GABRG3: variants seen among roughly 807,000 people sequenced by gnomAD.
GABRG3 encodes the protein gamma-aminobutyric acid receptor subunit gamma-3.
Under a neutral mutation model 48.8 loss-of-function variants are expected in GABRG3, and 25 were observed. The ratio of observed to expected loss-of-function variants is 0.51; its 90% confidence interval spans 0.37 to 0.72. GABRG3 has a LOEUF of 0.72. Among genes scored for constraint, GABRG3 ranks in the 30% least tolerant of loss-of-function variants. The probability of loss-of-function intolerance (pLI) is 0.00; values close to 1 mark genes in which losing one functional copy is unlikely to be tolerated. For synonymous variants in GABRG3, 227 were observed against 217.6 expected, an observed-to-expected ratio of 1.04 and a Z score of -0.38; for missense variants, 394 against 577.9, an observed-to-expected ratio of 0.68 and a Z score of 3.26.
rs538538716 is a variant in GABRG3 at position 27,052,131 on chromosome 15, G to A, written c.270+25310G>A. ...TTGGACTGATACCCGGCCACAGATC[G>A]GGCGTTGGGGCCCCCTGATCTAAGA... On this transcript the variant is annotated intron_variant, in intron 3 of 9. Coordinates refer to ENST00000615808, the MANE Select transcript of GABRG3 (RefSeq NM_033223.5). Among the ~76,000 whole-genome samples, 15 of 152,270 alleles carry A rather than the reference G, an allele frequency of 9.9e-5. No homozygotes were observed. In the East Asian group the frequency reaches 2.9e-3, roughly 29 times the overall value.
intron 3 of GABRG3, among the ~76,000 whole-genome samples, chr15:27,135,448 A>T (rs1458436809): frequency 2.6e-5 from 4 of 152,238 alleles, no homozygotes. Flanking sequence ...TTTGTTTAGC[A>T]GATCTTTCAA....
intron 2 of GABRG3, among the ~76,000 whole-genome samples, chr15:27,021,426 T>A (rs754771915): frequency 6.6e-6 from 1 of 152,164 alleles, no homozygotes; most frequent in Non-Finnish European, 1.5e-5. Flanking sequence ...AAGGTGCCCA[T>A]GACCTAAAAG....
In GABRG3 at chr15:27,327,025, T is replaced by C; in HGVS notation, c.487T>C (p.Leu163=). Reference sequence around the variant, plus strand: ...GAATGACGGGAAAATCCTTTACACTTTGAGGTAAGATGCTGCATCGATCTT... The same window carrying C: ...GAATGACGGGAAAATCCTTTACACTCTGAGGTAAGATGCTGCATCGATCTT... ...IWNDGKILYT[L]RLTINAECQL... The change falls in exon 4 of 10, where the codon TTG becomes CTG. Residue 163 remains leucine, a synonymous_variant. Transcript: ENST00000615808. 1 of 1,612,564 alleles carries C rather than the reference T, an allele frequency of 6.2e-7. No homozygotes were observed. Among genetic ancestry groups the C allele is most frequent in the South Asian group, 1.1e-5 (1 of 90,958 alleles).
chr15:27,178,581 A>G (rs1251546515), intron 3 of GABRG3, among the ~76,000 whole-genome samples: 1 of 152,224 alleles, frequency 6.6e-6, no homozygotes, highest in Non-Finnish European at 1.5e-5. Flanking sequence ...ACATTTATTT[A>G]ACATGTATAT....
intron 5 of GABRG3, among the ~76,000 whole-genome samples, chr15:27,390,220 G>A (rs1311773241): frequency 1.3e-5 from 2 of 152,112 alleles, no homozygotes; most frequent in Admixed American, 6.5e-5. Flanking sequence ...CGTATATTAC[G>A]CCACTGAAAA....
At chr15:27,514,226 G>C (rs902375590) in intron 6 of GABRG3, among the ~76,000 whole-genome samples, 1 of 152,180 alleles carries the variant, frequency 6.6e-6, no homozygotes, top group Non-Finnish European at 1.5e-5. Context: ...TTCCATTTCA[G>C]TTTAACAAAT....
intron 3 of GABRG3, among the ~76,000 whole-genome samples, chr15:27,239,151 T>G (rs2140452663): frequency 6.6e-6 from 1 of 152,354 alleles, no homozygotes; most frequent in East Asian, 1.9e-4. Flanking sequence ...TAATCACTTT[T>G]GGATACGAAG....
chr15:27,365,909 T>C (rs888894755), intron 5 of GABRG3: 1 of 152,166 alleles, frequency 6.6e-6, no homozygotes, highest in Non-Finnish European at 1.5e-5. Flanking sequence ...ATAAGTTAAA[T>C]AGTTCATTTT....
intron 3 of GABRG3, among the ~76,000 whole-genome samples, chr15:27,209,528 A>G (rs1451205840): frequency 6.6e-6 from 1 of 152,174 alleles, no homozygotes; most frequent in Non-Finnish European, 1.5e-5. Context: ...CTCTGAGGCC[A>G]GAAACCTGGG....
At position 27,405,854 on chromosome 15, in the gene GABRG3, G is replaced by GT. The variant is rs200559567; in HGVS notation, c.575-74796_575-74795insT. Among the ~76,000 whole-genome samples the GT allele has an allele frequency of 3.0e-4, 46 of 151,922 alleles. No individual in the cohort carries two copies. The East Asian group carries it at 8.7e-3, about 29-fold the overall frequency. On this transcript the variant is annotated intron_variant, in intron 5 of 9. Coordinates refer to ENST00000615808, the MANE Select transcript of GABRG3 (RefSeq NM_033223.5). ...AGAAATGGCTGATTCTAGGACTGGG[G>GT]GAGGGAATATAGGGAAAATAGAGGA... is the stretch of plus-strand genomic sequence containing the variant.
rs1237612169 is a variant in GABRG3 at position 27,287,800 on chromosome 15, G to A, written c.271-39009G>A. Among the ~76,000 whole-genome samples the A allele has an allele frequency of 3.4e-5, 5 of 148,868 alleles. No individual in the cohort carries two copies. The South Asian group carries it at 6.4e-4, about 19-fold the overall frequency. On this transcript the variant is annotated intron_variant, in intron 3 of 9. Coordinates refer to ENST00000615808, the MANE Select transcript of GABRG3 (RefSeq NM_033223.5). ...GTTGCCCAGGCTGGAGTGCAGTGGC[G>A]CGATCTCGGCTCACTGCAAGCTCCG...
chr15:27,312,012 A>G (rs997137968), intron 3 of GABRG3, among the ~76,000 whole-genome samples: 1 of 152,158 alleles, frequency 6.6e-6, no homozygotes, highest in Non-Finnish European at 1.5e-5. Context: ...ATGGAGGTAT[A>G]TGATTTGCCT....
intron 3 of GABRG3, among the ~76,000 whole-genome samples, chr15:27,051,917 A>C (rs1896461823): frequency 6.6e-6 from 1 of 152,118 alleles, no homozygotes; most frequent in African/African-American, 2.4e-5. Context: ...GGAGTGTGCA[A>C]CCTAGATCCC....
At chr15:27,325,911 A>G (rs1455344747) in intron 3 of GABRG3, among the ~76,000 whole-genome samples, 2 of 152,226 alleles carry the variant, frequency 1.3e-5, no homozygotes, top group African/African-American at 4.8e-5. Flanking sequence ...TATAATATCT[A>G]ATACATAACA....
At position 27,308,510 on chromosome 15, in the gene GABRG3, T is replaced by C. The variant is rs972039004; in HGVS notation, c.271-18299T>C. On this transcript the variant is annotated intron_variant, in intron 3 of 9. Transcript: ENST00000615808. ...TAAACATACATGTTTTATATAAACA[T>C]AATGTAAACATACATGTTTATATAA... Among the ~76,000 whole-genome samples the C allele has an allele frequency of 4.1e-5, 6 of 147,832 alleles. No homozygotes were observed. In the East Asian group the frequency reaches 1.1e-3, roughly 26 times the overall value.
intron 3 of GABRG3, among the ~76,000 whole-genome samples, chr15:27,092,014 C>G (rs1039965360): frequency 1.3e-5 from 2 of 152,198 alleles, no homozygotes; most frequent in African/African-American, 2.4e-5. Context: ...GGTCCCTGCT[C>G]CACCACTTTT....
intron 3 of GABRG3, among the ~76,000 whole-genome samples, chr15:27,149,655 A>G (rs1475040210): frequency 6.6e-6 from 1 of 152,252 alleles, no homozygotes. Flanking sequence ...TAAATGGAAT[A>G]GAATTGAACA....
chr15:27,226,594 G>A (rs975010563), intron 3 of GABRG3, among the ~76,000 whole-genome samples: 13 of 151,726 alleles, frequency 8.6e-5, no homozygotes, highest in Non-Finnish European at 1.5e-4. Flanking sequence ...GCTGCCATCC[G>A]GATGCCCCGG....
At chr15:27,095,315 G>A (rs1457031491) in intron 3 of GABRG3, among the ~76,000 whole-genome samples, 1 of 152,204 alleles carries the variant, frequency 6.6e-6, no homozygotes, top group Non-Finnish European at 1.5e-5. Context: ...TGTGGTATAA[G>A]AATTGGTAAA....
Sources: allele counts gnomAD v4.1 joint callset (sites outside exome capture counted in the v4.1 genomes callset), GRCh38; gene constraint gnomAD v4.1.1; transcripts MANE v1.5; gene names NCBI Gene and HGNC (gene_info 2026-07-23, HGNC 2026-07-21).